The following ZCCHC7 variants were observed in gnomAD, a reference collection of about 807,000 sequenced individuals.
ZCCHC7 encodes the protein zinc finger CCHC domain-containing protein 7.
Under a neutral mutation model 52.0 loss-of-function variants are expected in ZCCHC7, and 35 were observed. That is an observed-to-expected ratio of 0.67 (90% confidence interval 0.51 to 0.89). ZCCHC7 has a LOEUF of 0.89. Ranked by LOEUF, ZCCHC7 falls within the 40% of genes least tolerant of loss-of-function variation. The pLI is 0.00. For synonymous variants in ZCCHC7, 217 were observed against 221.5 expected, an observed-to-expected ratio of 0.98 and a Z score of 0.18; for missense variants, 574 against 649.1, an observed-to-expected ratio of 0.88 and a Z score of 1.26.
intron 2 of ZCCHC7, among the ~76,000 whole-genome samples, chr9:37,292,099 A>G (rs1273567827): frequency 6.6e-6 from 1 of 152,254 alleles, no homozygotes; most frequent in African/African-American, 2.4e-5. Context: ...GAGTAGTTGC[A>G]TTCCACATGT....
At chr9:37,211,298 T>C (rs1824200642) in intron 2 of ZCCHC7, among the ~76,000 whole-genome samples, 1 of 152,174 alleles carries the variant, frequency 6.6e-6, no homozygotes, top group Non-Finnish European at 1.5e-5. Flanking sequence ...GAAGTTTAAG[T>C]TTAGTGGGAG....
chr9:37,208,486 T>C (rs559909520), intron 2 of ZCCHC7, among the ~76,000 whole-genome samples: 1 of 152,244 alleles, frequency 6.6e-6, no homozygotes, highest in African/African-American at 2.4e-5. Flanking sequence ...AAAAGAAGGG[T>C]GAGAGCAAGT....
chr9:37,301,725 A>G (rs1373641983), intron 2 of ZCCHC7, among the ~76,000 whole-genome samples: 1 of 152,186 alleles, frequency 6.6e-6, no homozygotes, highest in Non-Finnish European at 1.5e-5. Flanking sequence ...AGTGTCAGTC[A>G]TCTCCCTCCT....
At chr9:37,204,689 A>G (rs1294265155) in intron 2 of ZCCHC7, among the ~76,000 whole-genome samples, 4 of 152,160 alleles carry the variant, frequency 2.6e-5, no homozygotes, top group African/African-American at 9.7e-5. Context: ...TACCAGTACC[A>G]TGCTGTTTTG....
intron 5 of ZCCHC7, among the ~76,000 whole-genome samples, chr9:37,306,668 T>C (rs1829328252): frequency 6.8e-6 from 1 of 146,558 alleles, no homozygotes; most frequent in Non-Finnish European, 1.5e-5. Flanking sequence ...TTTCACCACG[T>C]TGGCCAGGAT....
chr9:37,126,749 G>A lies in ZCCHC7; in HGVS notation c.417G>A (p.Lys139=), dbSNP rs746509634. 1 of 1,614,134 alleles carries A rather than the reference G, an allele frequency of 6.2e-7. No individual in the cohort carries two copies. The highest frequency in any genetic ancestry group is 8.5e-7 in the Non-Finnish European group (1 of 1,180,010). ...AGAAATGCAAGAGTGATATTGAGAA[G>A]CCTAAATCTGAAGAGAGATCAGGTG... ...VDKKCKSDIE[K]PKSEERSGVI... is the part of the protein sequence containing the mutation. Residue 139 remains lysine, a synonymous_variant, in exon 2 of 9, where the codon AAG becomes AAA. Coordinates refer to ENST00000336755, the MANE Select transcript of ZCCHC7 (RefSeq NM_032226.3).
Position 37,137,263 on chromosome 9 carries a change from T to C in ZCCHC7, c.610+10321T>C, listed in dbSNP as rs573598076. ...CATTCCAGGTGAATGCAGTAGATTT[T>C]TTAAAAAGATTAAAAAGTAGATAGG... On this transcript the variant is annotated intron_variant, in intron 2 of 8. Transcript: ENST00000336755. Among the ~76,000 whole-genome samples the C allele has an allele frequency of 2.6e-5, 4 of 152,324 alleles. No homozygotes were observed. In the East Asian group the frequency reaches 7.7e-4, roughly 29 times the overall value.
chr9:37,254,368 A>G (rs959479726), intron 2 of ZCCHC7, among the ~76,000 whole-genome samples: 1 of 152,048 alleles, frequency 6.6e-6, no homozygotes, highest in African/African-American at 2.4e-5. Flanking sequence ...TTATTTACAA[A>G]GAGTTGGGAA....
chr9:37,294,447 A>T (rs145852397), intron 2 of ZCCHC7, among the ~76,000 whole-genome samples: 1 of 152,206 alleles, frequency 6.6e-6, no homozygotes, highest in Admixed American at 6.5e-5. Flanking sequence ...AAGCATGATT[A>T]TCTATAAACA....
At chr9:37,349,606 C>A (rs528136039) in intron 7 of ZCCHC7, among the ~76,000 whole-genome samples, 154 bp downstream of exon 7, 3 of 152,302 alleles carry the variant, frequency 2.0e-5, no homozygotes, top group South Asian at 2.1e-4. Context: ...CCCCTCCCCT[C>A]CCTGCTAGAG....
intron 2 of ZCCHC7, among the ~76,000 whole-genome samples, chr9:37,249,450 T>C (rs1036424732): frequency 7.7e-6 from 1 of 130,598 alleles, no homozygotes; most frequent in Admixed American, 7.6e-5. Flanking sequence ...TATTTTCTTC[T>C]TCTTCCTTTT....
At chr9:37,228,482 A>G (rs1037164915) in intron 2 of ZCCHC7, among the ~76,000 whole-genome samples, 1 of 151,860 alleles carries the variant, frequency 6.6e-6, no homozygotes, top group African/African-American at 2.4e-5. Context: ...TCCTAGGCTC[A>G]AGTAGTTCTC....
intron 2 of ZCCHC7, among the ~76,000 whole-genome samples, chr9:37,154,042 A>G (rs1820680409): frequency 1.3e-5 from 2 of 152,028 alleles, no homozygotes; most frequent in South Asian, 2.1e-4. Context: ...GGCATGCACC[A>G]TCATGCCCAA....
chr9:37,312,528 GA>G, intron 5 of ZCCHC7, among the ~76,000 whole-genome samples: 1 of 152,356 alleles, frequency 6.6e-6, no homozygotes, highest in East Asian at 1.9e-4. Flanking sequence ...TGCATACCTA[GA>G]AAATGTAGAA....
At chr9:37,171,930 C>G (rs992552784) in intron 2 of ZCCHC7, among the ~76,000 whole-genome samples, 3 of 152,144 alleles carry the variant, frequency 2.0e-5, no homozygotes, top group Non-Finnish European at 4.4e-5. Context: ...TTTCTTAAAT[C>G]TTACCAATAA....
intron 2 of ZCCHC7, chr9:37,186,930 A>G (rs1822691417): frequency 3.2e-6 from 1 of 315,198 alleles, no homozygotes; most frequent in Non-Finnish European, 6.1e-6. Flanking sequence ...CTTTGACTTT[A>G]AAAGGCAAGT....
chr9:37,265,323 TC>T (rs1827052331), intron 2 of ZCCHC7, among the ~76,000 whole-genome samples: 1 of 152,010 alleles, frequency 6.6e-6, no homozygotes, highest in South Asian at 2.1e-4. Flanking sequence ...ATTCTTTACT[TC>T]CTAGGATCCT....
intron 2 of ZCCHC7, chr9:37,284,288 T>A (rs574697735): frequency 2.4e-4 from 37 of 152,292 alleles, no homozygotes; most frequent in Non-Finnish European, 4.3e-4. Flanking sequence ...AGGCCAAGAC[T>A]CTAAGCGAAC....
chr9:37,124,676 A>AT (rs927075857), intron 1 of ZCCHC7, among the ~76,000 whole-genome samples: 2 of 152,210 alleles, frequency 1.3e-5, no homozygotes, highest in African/African-American at 4.8e-5. Flanking sequence ...GTTGCAAGTG[A>AT]TTTTGAGCTG....
Sources: gnomAD v4.1 joint callset for allele counts (sites outside exome capture counted in the v4.1 genomes callset) on GRCh38, gnomAD v4.1.1 for gene constraint, MANE v1.5 for transcripts, NCBI Gene and HGNC (gene_info 2026-07-23, HGNC 2026-07-21) for gene names.